LIN9: variants seen among roughly 807,000 people sequenced by gnomAD.
LIN9 encodes the protein lin-9 DREAM MuvB core complex component.
LIN9 carries 18 observed loss-of-function variants against 78.0 expected under a neutral mutation model. The observed-to-expected ratio is 0.23, with a 90% CI of 0.16 to 0.34. The LOEUF is 0.34. Ranked by LOEUF, LIN9 falls within the 10% of genes least tolerant of loss-of-function variation. The pLI, the probability that LIN9 is intolerant of heterozygous loss-of-function variation, is 1.00. For synonymous variants in LIN9, 192 were observed against 215.2 expected, an observed-to-expected ratio of 0.89 and a Z score of 0.94; for missense variants, 451 against 644.1, an observed-to-expected ratio of 0.70 and a Z score of 3.25.
At chr1:226,275,691 CAGAAAAAAAAAAAAAA>C (rs1463053168) in intron 7 of LIN9, among the ~76,000 whole-genome samples, 3 of 43,446 alleles carry the variant, frequency 6.9e-5, no homozygotes, top group Non-Finnish European at 1.3e-4. Context: ...GACTCCGTCT[CAGAAAAAAAAAAAAAA>C]AAAAAGAAAA....
intron 10 of LIN9, among the ~76,000 whole-genome samples, chr1:226,254,946 C>T (rs1352485022): frequency 6.7e-5 from 10 of 148,674 alleles, no homozygotes; most frequent in Admixed American, 6.1e-4. Flanking sequence ...AACGACACTT[C>T]TTAGATCTCT....
chr1:226,242,903 T>C (rs532904019), intron 11 of LIN9, among the ~76,000 whole-genome samples: 1 of 75,908 alleles, frequency 1.3e-5, no homozygotes, highest in African/African-American at 5.2e-5. Context: ...TACCTTATGA[T>C]TTTCTTAACA....
chr1:226,238,764 T>C (rs956105832), intron 12 of LIN9, among the ~76,000 whole-genome samples: 1 of 152,334 alleles, frequency 6.6e-6, no homozygotes, highest in Non-Finnish European at 1.5e-5. Context: ...ATTTGTATCT[T>C]GAACCAAAAA....
intron 7 of LIN9, among the ~76,000 whole-genome samples, chr1:226,269,318 A>C (rs1660119201): frequency 6.6e-6 from 1 of 152,212 alleles, no homozygotes; most frequent in Admixed American, 6.5e-5. Context: ...TAAATAATGA[A>C]GCTGAGTAAA....
At chr1:226,294,424 TA>T (rs1358865964) in intron 4 of LIN9, among the ~76,000 whole-genome samples, 10 of 151,564 alleles carry the variant, frequency 6.6e-5, no homozygotes, top group Non-Finnish European at 4.4e-5. Flanking sequence ...CTACTAAAAA[TA>T]CAAAATTAGC....
chr1:226,278,805 CAG>C (rs1660831931), intron 6 of LIN9, among the ~76,000 whole-genome samples: 1 of 133,988 alleles, frequency 7.5e-6, no homozygotes, highest in African/African-American at 2.9e-5. Flanking sequence ...GCCTGGGTGA[CAG>C]AGTAAAACTC....
intron 4 of LIN9, among the ~76,000 whole-genome samples, chr1:226,288,737 T>C (rs951831676): frequency 1.0e-4 from 4 of 38,900 alleles, no homozygotes; most frequent in Non-Finnish European, 2.3e-4. Context: ...AAGACTGATA[T>C]GGAAAAAAAT....
At chr1:226,270,016 G>A (rs1048749156) in intron 7 of LIN9, among the ~76,000 whole-genome samples, 10 of 152,044 alleles carry the variant, frequency 6.6e-5, no homozygotes, top group Admixed American at 2.6e-4. Flanking sequence ...TCCACCTCCC[G>A]GGTTCAAGTG....
At chr1:226,259,325 T>C (rs981593642) in intron 10 of LIN9, among the ~76,000 whole-genome samples, 2 of 152,178 alleles carry the variant, frequency 1.3e-5, no homozygotes, top group African/African-American at 4.8e-5. Context: ...TGATTAACTA[T>C]TGACAAATAG....
At chr1:226,263,667 G>A (rs1281941549) in intron 10 of LIN9, among the ~76,000 whole-genome samples, 1 of 152,062 alleles carries the variant, frequency 6.6e-6, no homozygotes, top group African/African-American at 2.4e-5. Flanking sequence ...TGTCTTCTTT[G>A]TGAAAAGAAT....
At chr1:226,297,607 T>G in intron 3 of LIN9, 112 bp downstream of exon 3, 4 of 555,900 alleles carry the variant, frequency 7.2e-6, no homozygotes, top group Non-Finnish European at 1.2e-5. Flanking sequence ...ACACTTGAGG[T>G]TGGGAAAAAA....
At chr1:226,240,515 A>G (rs1375349692) in intron 11 of LIN9, among the ~76,000 whole-genome samples, 1 of 151,902 alleles carries the variant, frequency 6.6e-6, no homozygotes, top group African/African-American at 2.4e-5. Context: ...CAGCCTCTCA[A>G]GTAGGTGGGA....
intron 6 of LIN9, among the ~76,000 whole-genome samples, chr1:226,279,746 G>A (rs1660921433): frequency 6.8e-6 from 1 of 147,076 alleles, no homozygotes; most frequent in Non-Finnish European, 1.5e-5. Context: ...CTCCAGCCTG[G>A]GCAACAGAGC....
intron 5 of LIN9, among the ~76,000 whole-genome samples, chr1:226,287,228 T>C (rs1034973128): frequency 1.2e-4 from 19 of 152,352 alleles, no homozygotes; most frequent in South Asian, 1.2e-3. Context: ...AGCATATGTG[T>C]ATACCTAGCG....
chr1:226,264,606 G>A (rs1659797648), intron 10 of LIN9, among the ~76,000 whole-genome samples: 2 of 152,088 alleles, frequency 1.3e-5, no homozygotes, highest in South Asian at 4.1e-4. Flanking sequence ...AGCACTTTGG[G>A]AGGCCAAGGT....
intron 5 of LIN9, among the ~76,000 whole-genome samples, 190 bp downstream of exon 5, chr1:226,287,474 C>A (rs920661153): frequency 6.6e-6 from 1 of 152,044 alleles, no homozygotes; most frequent in African/African-American, 2.4e-5. Context: ...CAGTTTTCTT[C>A]CCCAAAAAGG....
chr1:226,234,953 G>A (rs1481118264), intron 12 of LIN9, among the ~76,000 whole-genome samples: 1 of 147,278 alleles, frequency 6.8e-6, no homozygotes, highest in Non-Finnish European at 1.5e-5. Context: ...GTGCAGTGGT[G>A]CGATCTCAGC....
At chr1:226,307,021 G>A (rs775001900) in intron 1 of LIN9, among the ~76,000 whole-genome samples, 3 of 152,150 alleles carry the variant, frequency 2.0e-5, no homozygotes, top group Non-Finnish European at 4.4e-5. Flanking sequence ...AAATGATTAG[G>A]TTATATAATT....
upstream of LIN9, chr1:226,309,608 G>A (rs1663175079): frequency 8.0e-7 from 1 of 1,248,990 alleles, no homozygotes. Flanking sequence ...GGGGCTCTAC[G>A]CAAAGTGAAA....
Sources: allele counts gnomAD v4.1 joint callset (sites outside exome capture counted in the v4.1 genomes callset), GRCh38; gene constraint gnomAD v4.1.1; transcripts MANE v1.5; gene names NCBI Gene and HGNC (gene_info 2026-07-23, HGNC 2026-07-21).